The following SLC3A1 variants were observed in gnomAD, a reference collection of about 807,000 sequenced individuals.
The protein encoded by SLC3A1 is amino acid transporter heavy chain SLC3A1.
In SLC3A1, 78 loss-of-function variants were observed where a neutral mutation model predicts 60.3. The ratio of observed to expected loss-of-function variants is 1.29; its 90% CI spans 1.08 to 1.56. The LOEUF is 1.56. SLC3A1 is among the 40% of genes most tolerant of loss of function. The probability of loss-of-function intolerance (pLI) is 0.00; values close to 1 mark genes in which losing one functional copy is unlikely to be tolerated. For synonymous variants in SLC3A1, 392 were observed against 307.9 expected, an observed-to-expected ratio of 1.27 and a Z score of -2.86; for missense variants, 1,172 against 858.9, an observed-to-expected ratio of 1.36 and a Z score of -4.56.
chr2:44,292,371 A>T (rs751550480), intron 4 of SLC3A1, among the ~76,000 whole-genome samples: 2 of 152,114 alleles, frequency 1.3e-5, no homozygotes, highest in Admixed American at 6.5e-5. Flanking sequence ...GATAATAATA[A>T]TTGTGCCATT....
intron 9 of SLC3A1, among the ~76,000 whole-genome samples, chr2:44,317,003 T>C (rs1309568098): frequency 2.0e-5 from 3 of 152,186 alleles, no homozygotes; most frequent in Admixed American, 6.5e-5. Context: ...AGTGATTTGA[T>C]TCTATATGGG....
At chr2:44,321,863 A>G (rs189954086), downstream of SLC3A1, 68 of 1,613,742 alleles carry the variant, frequency 4.2e-5, no homozygotes, top group Admixed American at 9.7e-4. Flanking sequence ...GATTGCCTCC[A>G]GGCTGAATAT....
downstream of SLC3A1, chr2:44,321,782 A>T (rs1440155008): frequency 6.2e-7 from 1 of 1,613,590 alleles, no homozygotes; most frequent in African/African-American, 1.3e-5. Flanking sequence ...AACAACATGT[A>T]TCTAGTTCGG....
At chr2:44,317,893 TAAC>T in intron 9 of SLC3A1, 1 of 222,992 alleles carries the variant, frequency 4.5e-6, no homozygotes, top group South Asian at 4.6e-5. Context: ...ACCACTCAGA[TAAC>T]AAAAACAGAC....
intron 7 of SLC3A1, among the ~76,000 whole-genome samples, chr2:44,309,960 T>C (rs1041260791): frequency 1.3e-5 from 2 of 152,000 alleles, no homozygotes; most frequent in Non-Finnish European, 2.9e-5. Context: ...GGTGTGAACA[T>C]GGCTCACTGC....
chr2:44,320,418 G>A lies in SLC3A1; in HGVS notation c.1837G>A (p.Gly613Ser). Reference sequence around the variant, plus strand: ...GTTAAATCTACATAATATGATTTCGGGCCTTCCCGCTAAAATGAGAATAAG... The same window carrying A: ...GTTAAATCTACATAATATGATTTCGAGCCTTCCCGCTAAAATGAGAATAAG... ...TLLNLHNMIS[G>S]LPAKMRIRLS... Residue 613 changes from glycine to serine, a missense_variant, in exon 10 of 10, where the codon GGC (glycine) becomes AGC (serine). Coordinates refer to ENST00000260649, the MANE Select transcript of SLC3A1 (RefSeq NM_000341.4). The A allele has an allele frequency of 6.2e-7, 1 of 1,614,022 alleles. No homozygotes were observed.
chr2:44,299,031 CTT>C (rs3074475), intron 4 of SLC3A1, among the ~76,000 whole-genome samples: 5,419 of 124,374 alleles, frequency 0.044, 118 homozygotes, highest in Middle Eastern at 0.062. Context: ...ATGTAGATTC[CTT>C]TTTTTTTTTT....
chr2:44,290,603 A>T (rs1290425587), intron 4 of SLC3A1, among the ~76,000 whole-genome samples: 1 of 151,758 alleles, frequency 6.6e-6, no homozygotes, highest in Admixed American at 6.6e-5. Context: ...ATTTCTTTCA[A>T]CAATGTTTTG....
chr2:44,321,459 AT>A lies in SLC3A1; in HGVS notation c.*822del, dbSNP rs1220298394. On this transcript the variant is annotated 3_prime_UTR_variant, in exon 10 of 10. Coordinates refer to ENST00000260649, the MANE Select transcript of SLC3A1 (RefSeq NM_000341.4). ...TTGGGCTGTAATCTAAAAGAAACAC[AT>A]TAAAAAAATTAAATAGAAGGCCTTT... 6.2e-7 allele frequency: 1 copy of A among 1,605,126 alleles called. No homozygotes were observed. Among genetic ancestry groups the A allele is most frequent in the African/African-American group, 1.3e-5 (1 of 74,740 alleles).
intron 6 of SLC3A1, among the ~76,000 whole-genome samples, chr2:44,302,934 C>T (rs909812599): frequency 2.0e-5 from 3 of 152,064 alleles, no homozygotes; most frequent in Non-Finnish European, 2.9e-5. Context: ...TGCGGTGGCT[C>T]ATGCCTGTAA....
At position 44,304,238 on chromosome 2, in the gene SLC3A1, A is replaced by G. The variant is rs757194772; in HGVS notation, c.1232A>G (p.Asn411Ser). The G allele has an allele frequency of 2.5e-6, 4 of 1,613,946 alleles. No individual in the cohort carries two copies. Among genetic ancestry groups the G allele is most frequent in the East Asian group, 2.2e-5 (1 of 44,898 alleles). Residue 411 changes from asparagine to serine, a missense_variant, in exon 7 of 10, where the codon AAT (asparagine) becomes AGT (serine). Transcript: ENST00000260649. ...CAAGAAGCTGATTTTCCCTTCAACA[A>G]TTACCTCAGCATGCTAGACACTGTT... ...FIQEADFPFN[N>S]YLSMLDTVSG... is the part of the protein sequence containing the mutation.
At chr2:44,321,641 T>TCAAGTA, downstream of SLC3A1, 1 of 1,499,420 alleles carries the variant, frequency 6.7e-7, no homozygotes, top group Non-Finnish European at 8.9e-7. Context: ...AGCTCACGTA[T>TCAAGTA]CAAGTACAAG....
intron 7 of SLC3A1, among the ~76,000 whole-genome samples, chr2:44,311,957 C>T (rs577129112): frequency 3.9e-5 from 6 of 152,144 alleles, no homozygotes; most frequent in Admixed American, 1.3e-4. Flanking sequence ...CCATGCTCAG[C>T]GTATGCACAT....
downstream of SLC3A1, chr2:44,322,037 T>C: frequency 2.4e-6 from 2 of 846,096 alleles, no homozygotes; most frequent in Non-Finnish European, 3.5e-6. Context: ...ACCACCATCA[T>C]CAACAAAAAG....
intron 9 of SLC3A1, among the ~76,000 whole-genome samples, chr2:44,317,089 G>C (rs1157102501): frequency 6.6e-6 from 1 of 152,104 alleles, no homozygotes; most frequent in African/African-American, 2.4e-5. Flanking sequence ...TGTTTGTTTT[G>C]CACAGGAAAA....
chr2:44,312,635 A>G lies in SLC3A1; in HGVS notation c.1382A>G (p.Tyr461Cys), dbSNP rs1672327397. Residue 461 changes from tyrosine (Y) to cysteine (C), a missense_variant, in exon 8 of 10, where the codon TAT (tyrosine) becomes TGT (cysteine). Coordinates refer to ENST00000260649, the MANE Select transcript of SLC3A1 (RefSeq NM_000341.4). Reference protein sequence around the residue: ...SRLTSRLGNQYVNVMNMLLFT... With the variant: ...SRLTSRLGNQCVNVMNMLLFT... ...CTGACTTCGCGTTTGGGGAATCAGTATGTCAACGTGATGAACATGCTTCTT... is the reference window on the plus strand; with the variant it reads ...CTGACTTCGCGTTTGGGGAATCAGTGTGTCAACGTGATGAACATGCTTCTT... 3.1e-6 allele frequency: 5 copies of G among 1,613,986 alleles called. No individual in the cohort carries two copies. The highest frequency in any genetic ancestry group is 4.2e-6 in the Non-Finnish European group (5 of 1,179,866).
At position 44,320,296 on chromosome 2, in the gene SLC3A1, A is replaced by G. The variant is rs1672816295; in HGVS notation, c.1715A>G (p.His572Arg). ...CTCCTCAACAGGGGCTGGTTTTGCC[A>G]TTTGAGGAATGACAGCCACTATGTT... is the stretch of plus-strand genomic sequence containing the variant. ...ELLLNRGWFC[H>R]LRNDSHYVVY... The change falls in exon 10 of 10, where the codon CAT becomes CGT. Residue 572 changes from histidine to arginine, a missense_variant. Transcript: ENST00000260649. 1 of 1,613,994 alleles carries G rather than the reference A, an allele frequency of 6.2e-7. No individual in the cohort carries two copies. Among genetic ancestry groups the G allele is most frequent in the Non-Finnish European group, 8.5e-7 (1 of 1,179,966 alleles).
At chr2:44,320,174 C>G (rs750454187) in intron 9 of SLC3A1, 25 bp from the exon 10 acceptor site, 41 of 1,566,672 alleles carry the variant, frequency 2.6e-5, no homozygotes, top group Middle Eastern at 1.8e-4. Flanking sequence ...CAAACACTTA[C>G]GTAAATACTT....
intron 9 of SLC3A1, chr2:44,318,382 TGCCTG>T (rs1466734556): frequency 3.9e-5 from 7 of 179,352 alleles, no homozygotes; most frequent in Non-Finnish European, 8.4e-5. Flanking sequence ...TGAGCCACCT[TGCCTG>T]GCCTGCAAAA....
Sources: allele counts gnomAD v4.1 joint callset (sites outside exome capture counted in the v4.1 genomes callset), GRCh38; gene constraint gnomAD v4.1.1; transcripts MANE v1.5; gene names NCBI Gene and HGNC (gene_info 2026-07-23, HGNC 2026-07-21).